Variants in PPP1R14B observed in about 807,000 individuals in gnomAD.
PPP1R14B encodes protein phosphatase 1 regulatory subunit 14B.
Under a neutral mutation model 14.7 loss-of-function variants are expected in PPP1R14B, and 4 were observed. The ratio of observed to expected loss-of-function variants is 0.27; its 90% CI spans 0.13 to 0.62. The LOEUF (loss-of-function observed/expected upper bound fraction) is 0.62. PPP1R14B is among the 20% of genes least tolerant of loss of function. The pLI, the probability that PPP1R14B is intolerant of heterozygous loss-of-function variation, is 0.85. For missense variants in PPP1R14B, 138 were observed against 201.5 expected, an observed-to-expected ratio of 0.68 and a Z score of 1.91; for synonymous variants, 76 against 87.3, an observed-to-expected ratio of 0.87 and a Z score of 0.72.
rs1263512115 is a variant in PPP1R14B, at chr11:64,244,932, C to T, written c.373G>A (p.Glu125Lys). 3 of 1,612,400 alleles carry T rather than the reference C, an allele frequency of 1.9e-6. No homozygotes were observed. The highest frequency in any genetic ancestry group is 2.7e-5 in the African/African-American group (2 of 74,812). The change falls in exon 3 of 4, where the codon GAG becomes AAG. Residue 125 changes from glutamate (E) to lysine (K), a missense_variant and splice_region_variant. Coordinates refer to ENST00000309318, the MANE Select transcript of PPP1R14B (RefSeq NM_138689.3). ...CAGCCCCCCAGGAAATCTCTTACCTCTGTGGGTTTGTAACAGTCAACCAGC... is the reference window on the plus strand; with the variant it reads ...CAGCCCCCCAGGAAATCTCTTACCTTTGTGGGTTTGTAACAGTCAACCAGC... ...ELLVDCYKPT[E>K]AFISGLLDKI...
intron 2 of PPP1R14B, 66 bp from the exon 3 acceptor site, chr11:64,245,028 AC>A: frequency 6.6e-7 from 1 of 1,517,616 alleles, no homozygotes; most frequent in South Asian, 1.2e-5. Context: ...GCTCGCCTAT[AC>A]CCACTTCCAA....
rs562864459 is a variant in PPP1R14B, at chr11:64,244,679, G to A, written c.*75C>T. 3.3e-4 allele frequency: 527 copies of A among 1,596,756 alleles called. 6 individuals carry two copies. The South Asian group carries it at 5.4e-3, about 16-fold the overall frequency. On this transcript the variant is annotated 3_prime_UTR_variant, in exon 4 of 4. Coordinates refer to ENST00000309318, the MANE Select transcript of PPP1R14B (RefSeq NM_138689.3). ...ACCAGGCCTGGCCGCAGGGTCCCCC[G>A]GTATTGCTGTTGCTACGAGGTTGGG... is the stretch of plus-strand genomic sequence containing the variant.
Position 64,246,579 on chromosome 11 carries a change from C to A in PPP1R14B, c.95G>T (p.Ser32Ile), listed in dbSNP as rs555194677. ...GCCCTCTCCTGCGGCCCCGGGGGGG[C>A]TCTGAAAGTAGACGCGTGGTCCTGG... ...GGPGPRVYFQ[S>I]PPGAAGEGPG... is the part of the protein sequence containing the mutation. Residue 32 changes from serine (S) to isoleucine (I), a missense_variant, in exon 1 of 4, where the codon AGC (serine) becomes ATC (isoleucine). By Grantham distance (142) the Ser-to-Ile change is moderately radical. This residue lies in a region of PPP1R14B where 32 missense variants were observed against 18.1 expected (regional missense o/e 1.77). Transcript: ENST00000309318. 2 of 1,600,886 alleles carry A rather than the reference C, an allele frequency of 1.2e-6. No individual in the cohort carries two copies. The highest frequency in any genetic ancestry group is 1.7e-6 in the Non-Finnish European group (2 of 1,175,436).
intron 1 of PPP1R14B, 183 bp from the exon 2 acceptor site, chr11:64,245,470 A>T: frequency 1.0e-5 from 2 of 199,832 alleles, no homozygotes; most frequent in Non-Finnish European, 8.5e-6. Flanking sequence ...AACTGCCCAA[A>T]GCGGGGTGGG....
At chr11:64,244,852 G>A in intron 3 of PPP1R14B, 30 bp from the exon 4 acceptor site, 1 of 1,613,884 alleles carries the variant, frequency 6.2e-7, no homozygotes, top group Non-Finnish European at 8.5e-7. Flanking sequence ...AAACATTAAG[G>A]AGACCAGACC....
intron 1 of PPP1R14B, 132 bp downstream of exon 1, chr11:64,246,284 T>C (rs1481798459): frequency 3.2e-6 from 4 of 1,231,254 alleles, no homozygotes; most frequent in Non-Finnish European, 3.4e-6. Flanking sequence ...GGGGCGGGAG[T>C]GCAGAGGGGA....
intron 1 of PPP1R14B, 152 bp from the exon 2 acceptor site, chr11:64,245,439 G>C (rs1397515425): frequency 1.8e-6 from 1 of 555,444 alleles, no homozygotes; most frequent in Non-Finnish European, 3.1e-6. Context: ...GAGGAAAACA[G>C]ATCAGGCCCG....
At position 64,246,409 on chromosome 11, in the gene PPP1R14B, A is replaced by T. The variant is rs368488305; in HGVS notation, c.258+7T>A. ...TTTTGGGGTGTCGGCGCGGGGTGGG[A>T]ACACACCTGGCAGTCGTAGAGGCGC... On this transcript the variant is annotated splice_region_variant and intron_variant, in intron 1 of 3. Transcript: ENST00000309318. The T allele has an allele frequency of 9.3e-6, 15 of 1,605,372 alleles. No individual in the cohort carries two copies. The highest frequency in any genetic ancestry group is 1.3e-5 in the Non-Finnish European group (15 of 1,177,008).
chr11:64,245,463 T>G (rs2135020914), intron 1 of PPP1R14B, 176 bp from the exon 2 acceptor site: 367 of 269,792 alleles, frequency 1.4e-3, no homozygotes, highest in East Asian at 3.0e-3. Context: ...CAAGGCAAAC[T>G]GCCCAAAGCG....
At position 64,245,242 on chromosome 11, in the gene PPP1R14B, C is replaced by A; in HGVS notation, c.304G>T (p.Asp102Tyr). 6.2e-7 allele frequency: 1 copy of A among 1,613,640 alleles called. No homozygotes were observed. Among genetic ancestry groups the A allele is most frequent in the Non-Finnish European group, 8.5e-7 (1 of 1,179,702 alleles). The change falls in exon 2 of 4, where the codon GAC (aspartate) becomes TAC (tyrosine). Residue 102 changes from aspartate (D) to tyrosine (Y), a missense_variant. Physicochemically the swap from Asp to Tyr is radical, Grantham distance 160. Transcript: ENST00000309318. ...GCCCGGGCATCGTCACTCTCCATGT[C>A]CAGGAGCTCATCCACGTCAATCTCC... is the stretch of plus-strand genomic sequence containing the variant. ...ELEIDVDELL[D>Y]MESDDARAAR...
chr11:64,244,752 C>T lies in PPP1R14B; in HGVS notation c.*2G>A, dbSNP rs2030800256. On this transcript the variant is annotated 3_prime_UTR_variant, in exon 4 of 4. Transcript: ENST00000309318. ...GCCACCGTTCTCCTGGGTCGGGGACCGTCACTTCTTCTGGGGTGTGCTCAG... is the reference window on the plus strand; with the variant it reads ...GCCACCGTTCTCCTGGGTCGGGGACTGTCACTTCTTCTGGGGTGTGCTCAG... 8.1e-6 allele frequency: 13 copies of T among 1,613,068 alleles called. No homozygotes were observed. Among genetic ancestry groups the T allele is most frequent in the African/African-American group, 1.3e-5 (1 of 74,960 alleles).
chr11:64,245,904 C>CG (rs1158857393), intron 1 of PPP1R14B: 5 of 159,274 alleles, frequency 3.1e-5, no homozygotes, highest in African/African-American at 1.2e-4. Flanking sequence ...CCCTGCCCCC[C>CG]GGGGCCTGAG....
chr11:64,245,902 C>A, intron 1 of PPP1R14B: 1 of 159,386 alleles, frequency 6.3e-6, no homozygotes. Context: ...CACCCTGCCC[C>A]CCGGGGCCTG....
chr11:64,245,186 G>A lies in PPP1R14B; in HGVS notation c.342+18C>T. 3 of 1,608,138 alleles carry A rather than the reference G, an allele frequency of 1.9e-6. No individual in the cohort carries two copies. The highest frequency in any genetic ancestry group is 2.7e-5 in the African/African-American group (2 of 74,524). ...GGGGCAGTGCCTCAGGCAACCCATC[G>A]CCCCCCAGCCCCCTCACCTTGACCC... On this transcript the variant is annotated intron_variant, in intron 2 of 3. Coordinates refer to ENST00000309318, the MANE Select transcript of PPP1R14B (RefSeq NM_138689.3).
chr11:64,246,009 A>G (rs1029994781), intron 1 of PPP1R14B: 1 of 174,710 alleles, frequency 5.7e-6, no homozygotes, highest in Non-Finnish European at 1.2e-5. Flanking sequence ...GCTCCAGGCT[A>G]GCCCACAGAA....
Position 64,244,952 on chromosome 11 carries a change from A to G in PPP1R14B, c.353T>C (p.Val118Ala), listed in dbSNP as rs2030811077. 1 of 1,611,994 alleles carries G rather than the reference A, an allele frequency of 6.2e-7. No homozygotes were observed. The highest frequency in any genetic ancestry group is 1.7e-5 in the Admixed American group (1 of 59,838). The change falls in exon 3 of 4, where the codon GTT becomes GCT. Residue 118 changes from valine to alanine, a missense_variant. By Grantham distance (64) the Val-to-Ala change is moderately conservative. Around this residue, in one of 3 missense-constraint regions of PPP1R14B, gnomAD observed 84 missense variants for 137.5 expected, o/e 0.61. Coordinates refer to ENST00000309318, the MANE Select transcript of PPP1R14B (RefSeq NM_138689.3). ...TACCTCTGTGGGTTTGTAACAGTCAACCAGCAGCTCCTAGCAGAGGATGGG... is the reference window on the plus strand; with the variant it reads ...TACCTCTGTGGGTTTGTAACAGTCAGCCAGCAGCTCCTAGCAGAGGATGGG... ...ARAARVKELLVDCYKPTEAFI... is the reference protein window; with the variant it reads ...ARAARVKELLADCYKPTEAFI...
At chr11:64,245,312 G>A (rs12798333) in intron 1 of PPP1R14B, 25 bp from the exon 2 acceptor site, 265,552 of 1,559,058 alleles carry the variant, frequency 0.17, 25,115 homozygotes, top group Admixed American at 0.3. Flanking sequence ...GGGGAGGAGG[G>A]AGAGACATAA....
chr11:64,244,954 C>G lies in PPP1R14B; in HGVS notation c.351G>C (p.Leu117=), dbSNP rs757977992. The change falls in exon 3 of 4, where the codon CTG becomes CTC. Residue 117 remains leucine (L), a synonymous_variant. Transcript: ENST00000309318. The part of the protein sequence containing the change: ...DARAARVKEL[L]VDCYKPTEAF... ...CCTCTGTGGGTTTGTAACAGTCAAC[C>G]AGCAGCTCCTAGCAGAGGATGGGGG... 1 of 1,612,118 alleles carries G rather than the reference C, an allele frequency of 6.2e-7. No homozygotes were observed. Among genetic ancestry groups the G allele is most frequent in the Non-Finnish European group, 8.5e-7 (1 of 1,178,784 alleles).
Position 64,244,968 on chromosome 11 carries a change from A to G in PPP1R14B, c.343-6T>C, listed in dbSNP as rs2030811543. ...TAACAGTCAACCAGCAGCTCCTAGC[A>G]GAGGATGGGGGAGGAAGGATAAGTG... On this transcript the variant is annotated splice_region_variant and splice_polypyrimidine_tract_variant and intron_variant, in intron 2 of 3. Coordinates refer to ENST00000309318, the MANE Select transcript of PPP1R14B (RefSeq NM_138689.3). The G allele has an allele frequency of 6.2e-7, 1 of 1,610,652 alleles. No individual in the cohort carries two copies. Among genetic ancestry groups the G allele is most frequent in the Non-Finnish European group, 8.5e-7 (1 of 1,177,808 alleles).
Sources: gnomAD v4.1 joint callset for allele counts on GRCh38, gnomAD v4.1.1 for gene constraint, gnomAD v4.1.1 regional missense constraint, MANE v1.5 for transcripts, NCBI Gene and HGNC (gene_info 2026-07-23, HGNC 2026-07-21) for gene names.